The following SEM1 variants were observed in gnomAD, a reference collection of about 807,000 sequenced individuals.
SEM1 encodes SEM1 26S proteasome subunit, also known as 26S proteasome complex subunit SEM1.
In SEM1, 3 loss-of-function variants were observed where a neutral mutation model predicts 12.7. The observed-to-expected ratio is 0.24, with a 90% confidence interval of 0.11 to 0.61. The LOEUF (loss-of-function observed/expected upper bound fraction) is 0.61, where lower values mean the gene tolerates loss of function less well. Ranked by LOEUF, SEM1 falls within the 20% of genes least tolerant of loss-of-function variation. The pLI, the probability that SEM1 is intolerant of heterozygous loss-of-function variation, is 0.88. For synonymous variants in SEM1, 30 were observed against 27.8 expected, an observed-to-expected ratio of 1.08 and a Z score of -0.25; for missense variants, 59 against 81.3, an observed-to-expected ratio of 0.73 and a Z score of 1.06.
At chr7:96,549,586 A>G (rs35371656) in intron 2 of SEM1, among the ~76,000 whole-genome samples, 87,084 of 151,998 alleles carry the variant, frequency 0.57, 26,873 homozygotes, top group Non-Finnish European at 0.69. Flanking sequence ...CCATCTTACA[A>G]ATCTTAGTTT....
intron 2 of SEM1, among the ~76,000 whole-genome samples, chr7:96,552,708 T>C (rs1805324874): frequency 1.3e-5 from 2 of 152,024 alleles, no homozygotes; most frequent in Admixed American, 1.3e-4. Flanking sequence ...ATATACCCAG[T>C]AATGGGATGG....
chr7:96,678,002 C>G (rs1000051596), intron 2 of SEM1, among the ~76,000 whole-genome samples: 5 of 152,206 alleles, frequency 3.3e-5, no homozygotes, highest in Admixed American at 3.3e-4. Context: ...AGACTACTTT[C>G]AGTGAATACA....
chr7:96,644,580 C>A (rs1808723154), intron 2 of SEM1, among the ~76,000 whole-genome samples: 5 of 152,122 alleles, frequency 3.3e-5, no homozygotes. Context: ...ACAGCCCGGG[C>A]TCTGTTCCTA....
intron 2 of SEM1, among the ~76,000 whole-genome samples, chr7:96,568,593 T>C (rs1446863951): frequency 6.6e-6 from 1 of 151,826 alleles, no homozygotes; most frequent in Non-Finnish European, 1.5e-5. Flanking sequence ...TCTTTGAAAT[T>C]TGATTTTTCC....
At chr7:96,490,124 AT>A (rs1802946239) in intron 1 of SEM1, among the ~76,000 whole-genome samples, 1 of 151,926 alleles carries the variant, frequency 6.6e-6, no homozygotes, top group Non-Finnish European at 1.5e-5. Flanking sequence ...ATGAAAAAAA[AT>A]TTCTTGAATG....
At chr7:96,502,689 G>C (rs906380721) in intron 3 of SEM1, among the ~76,000 whole-genome samples, 2 of 152,138 alleles carry the variant, frequency 1.3e-5, no homozygotes, top group Non-Finnish European at 2.9e-5. Context: ...TCTGATGAAA[G>C]AGTAAATTCC....
At chr7:96,493,185 G>A (rs946963127) in intron 1 of SEM1, among the ~76,000 whole-genome samples, 9 of 152,028 alleles carry the variant, frequency 5.9e-5, no homozygotes, top group Admixed American at 5.2e-4. Flanking sequence ...CACTGGTCTC[G>A]AACTCCTGAC....
intron 2 of SEM1, among the ~76,000 whole-genome samples, chr7:96,580,226 T>G (rs1244184459): frequency 7.4e-6 from 1 of 135,692 alleles, no homozygotes. Context: ...GGTGTTTGGT[T>G]TTTTGTTCTT....
chr7:96,697,434 C>A lies in SEM1; in HGVS notation c.77-2543G>T, dbSNP rs781763676. On this transcript the variant is annotated intron_variant, in intron 1 of 2. Coordinates refer to ENST00000248566, the MANE Select transcript of SEM1 (RefSeq NM_006304.2). The stretch of plus-strand genomic sequence containing the variant: ...GAATCTTCTTTCAACTTAGAAAATT[C>A]TTTTAATACTTACTTTCCCCTACTC... 3 of 151,992 alleles carry A rather than the reference C, an allele frequency of 2.0e-5. No homozygotes were observed. In the East Asian group the frequency reaches 5.8e-4, roughly 29 times the overall value. 9.4% of individuals were successfully genotyped at this position (151,992 alleles called of 1,614,324 possible). A position where few individuals can be genotyped will look rare whatever the true frequency, so the allele number is the denominator to read the frequency against.
At chr7:96,613,532 T>C (rs781129998) in intron 2 of SEM1, among the ~76,000 whole-genome samples, 1 of 152,194 alleles carries the variant, frequency 6.6e-6, no homozygotes, top group Admixed American at 6.5e-5. Context: ...ATAATTATCA[T>C]TTCTTTGTGG....
chr7:96,612,278 C>T (rs748863568), intron 2 of SEM1, among the ~76,000 whole-genome samples: 1 of 152,176 alleles, frequency 6.6e-6, no homozygotes, highest in Non-Finnish European at 1.5e-5. Context: ...GTAAATTCAT[C>T]TGTAAAAAAT....
intron 1 of SEM1, among the ~76,000 whole-genome samples, chr7:96,489,334 G>C (rs1802906513): frequency 6.6e-6 from 1 of 152,126 alleles, no homozygotes; most frequent in Non-Finnish European, 1.5e-5. Flanking sequence ...TGCTTGTTAA[G>C]CTACGAATTG....
intron 3 of SEM1, among the ~76,000 whole-genome samples, chr7:96,506,146 CT>C (rs1346291612): frequency 6.6e-6 from 1 of 152,016 alleles, no homozygotes; most frequent in African/African-American, 2.4e-5. Flanking sequence ...CCATAGAAGT[CT>C]TTTGATAGTT....
downstream of SEM1, among the ~76,000 whole-genome samples, chr7:96,668,635 G>C (rs1789230855): frequency 6.6e-6 from 1 of 152,068 alleles, no homozygotes; most frequent in African/African-American, 2.4e-5. Flanking sequence ...CAGCTTCCCA[G>C]GTTTGTCTTG....
At chr7:96,582,937 T>G (rs991407517) in intron 2 of SEM1, among the ~76,000 whole-genome samples, 1,965 of 152,282 alleles carry the variant, frequency 0.013, 32 homozygotes, top group African/African-American at 0.045. Flanking sequence ...CTGGATTCAT[T>G]AATTTTTTGA....
chr7:96,613,632 C>G (rs1807613264), intron 2 of SEM1, among the ~76,000 whole-genome samples: 1 of 152,142 alleles, frequency 6.6e-6, no homozygotes, highest in Non-Finnish European at 1.5e-5. Context: ...CAATAAATCA[C>G]CAGAACAGGA....
intron 2 of SEM1, among the ~76,000 whole-genome samples, chr7:96,584,614 C>G (rs11975411): frequency 0.29 from 42,215 of 144,422 alleles, 6,289 homozygotes; most frequent in Middle Eastern, 0.31. Flanking sequence ...CCAATCAGAC[C>G]TAGATTTGGT....
At chr7:96,611,718 T>C (rs1343747713) in intron 2 of SEM1, among the ~76,000 whole-genome samples, 1 of 152,230 alleles carries the variant, frequency 6.6e-6, no homozygotes, top group East Asian at 1.9e-4. Context: ...CAGCCTAACA[T>C]ACCAAGCAAT....
intron 2 of SEM1, among the ~76,000 whole-genome samples, chr7:96,588,646 G>C (rs1465660541): frequency 6.6e-6 from 1 of 151,732 alleles, no homozygotes; most frequent in Non-Finnish European, 1.5e-5. Flanking sequence ...AAATAGGCCA[G>C]ATGTGGTAGC....
Sources: allele counts gnomAD v4.1 joint callset (sites outside exome capture counted in the v4.1 genomes callset), GRCh38; gene constraint gnomAD v4.1.1; transcripts MANE v1.5; gene names NCBI Gene and HGNC (gene_info 2026-07-23, HGNC 2026-07-21).